Variants in KMT5C observed in about 807,000 individuals in gnomAD.
KMT5C encodes histone-lysine N-methyltransferase KMT5C.
In KMT5C, 16 loss-of-function variants were observed where a neutral mutation model predicts 38.2. The ratio of observed to expected loss-of-function variants is 0.42; its 90% CI spans 0.28 to 0.64. The LOEUF is 0.64. Among genes scored for constraint, KMT5C ranks in the 30% least tolerant of loss-of-function variants. KMT5C has a pLI of 0.23. For synonymous variants in KMT5C, 291 were observed against 279.0 expected (o/e 1.04, Z -0.43); for missense variants, 598 against 665.1 (o/e 0.90, Z 1.11).
At chr19:55,346,011 C>T in intron 6 of KMT5C, 1 of 612,526 alleles carries the variant, frequency 1.6e-6, no homozygotes, top group Non-Finnish European at 2.9e-6. Context: ...GGAAACCAGC[C>T]AGTGGGTGGA....
rs747094462 is a variant in KMT5C at position 55,346,589 on chromosome 19, G to A, written c.797G>A (p.Arg266Gln). ...LDKYQLRETK[R>Q]RLQQGLDSGS... ...AAGTACCAGCTGCGTGAGACCAAGC[G>A]GCGGCTGCAGCAAGGCCTGGACAGT... is the stretch of plus-strand genomic sequence containing the variant. The change falls in exon 8 of 9, where the codon CGG becomes CAG. Residue 266 changes from arginine to glutamine, a missense_variant. Arg to Gln is a conservative substitution (Grantham distance 43). This residue lies in a region of KMT5C where 326 missense variants were observed against 298.1 expected (regional missense o/e 1.09). Coordinates refer to ENST00000255613, the MANE Select transcript of KMT5C (RefSeq NM_032701.4). 1.5e-5 allele frequency: 24 copies of A among 1,579,694 alleles called. No homozygotes were observed. The highest frequency in any genetic ancestry group is 9.1e-5 in the Admixed American group (5 of 54,966).
At position 55,346,193 on chromosome 19, in the gene KMT5C, T is replaced by C. The variant is rs757871310; in HGVS notation, c.571-20T>C. 6.2e-7 allele frequency: 1 copy of C among 1,613,236 alleles called. No individual in the cohort carries two copies. Among genetic ancestry groups the C allele is most frequent in the Admixed American group, 1.7e-5 (1 of 59,998 alleles). On this transcript the variant is annotated intron_variant, in intron 6 of 8. Coordinates refer to ENST00000255613, the MANE Select transcript of KMT5C (RefSeq NM_032701.4). Reference sequence around the variant, plus strand: ...TCCCCTGTGCCCTGGGCCAGGGCGCTGAGTGGGCTTGGCCCTCAGTTTGTG... The same window carrying C: ...TCCCCTGTGCCCTGGGCCAGGGCGCCGAGTGGGCTTGGCCCTCAGTTTGTG...
rs1324063731 is a variant in KMT5C, at chr19:55,342,289, A to T, written c.185A>T (p.Glu62Val). Residue 62 changes from glutamate to valine, a missense_variant, in exon 3 of 9, where the codon GAG (glutamate) becomes GTG (valine). Glu to Val is a moderately radical substitution (Grantham distance 121, BLOSUM62 -2). Transcript: ENST00000255613. ...LETFLRQRDLEAAYRALTLGG... is the reference protein window; with the variant it reads ...LETFLRQRDLVAAYRALTLGG... ...ACTTTCCTGAGGCAGCGGGACCTGG[A>T]GGCTGCGTACCGGGCCCTGACGCTG... 6.2e-7 allele frequency: 1 copy of T among 1,601,826 alleles called. No homozygotes were observed. The highest frequency in any genetic ancestry group is 8.5e-7 in the Non-Finnish European group (1 of 1,175,532).
chr19:55,340,043 C>T (rs1260871828), intron 1 of KMT5C, 86 bp downstream of exon 1: 1 of 151,792 alleles, frequency 6.6e-6, no homozygotes, highest in Non-Finnish European at 1.5e-5. Context: ...CCCCCTGCCC[C>T]GACTGCCCCC....
intron 1 of KMT5C, among the ~76,000 whole-genome samples, chr19:55,341,354 A>T (rs1283777859): frequency 2.0e-5 from 3 of 148,912 alleles, no homozygotes; most frequent in Non-Finnish European, 4.5e-5. Context: ...CCACTCCCGA[A>T]GGCTGCCGGG....
intron 1 of KMT5C, among the ~76,000 whole-genome samples, chr19:55,340,340 T>TCAGGGCCTCTCCCTGACCCC (rs1569018315): frequency 1.8e-4 from 26 of 148,388 alleles, no homozygotes; most frequent in Admixed American, 6.0e-4. Context: ...TCCCTGACCC[T>TCAGGGCCTCTCCCTGACCCC]TCTCTCACCC....
intron 6 of KMT5C, chr19:55,344,436 G>A (rs1369608274): frequency 2.9e-6 from 1 of 344,276 alleles, no homozygotes; most frequent in Non-Finnish European, 5.8e-6. Context: ...AAGGGGCAGA[G>A]TGGGTATTTG....
In KMT5C at chr19:55,342,828, C is replaced by G. The variant is rs1179793377; in HGVS notation, c.363C>G (p.Ala121=). Residue 121 remains alanine, a synonymous_variant, in exon 4 of 9, where the codon GCC becomes GCG. Coordinates refer to ENST00000255613, the MANE Select transcript of KMT5C (RefSeq NM_032701.4). ...GCTACTCCATGGAGACCAACGGGGC[C>G]AAGATCGTGTCCACTCGTGCTTGGT... ...CTRYSMETNG[A]KIVSTRAWKK... The G allele has an allele frequency of 2.5e-6, 4 of 1,608,512 alleles. No homozygotes were observed. The African/African-American group carries it at 4.0e-5, about 16-fold the overall frequency.
rs1385431426 is a variant in KMT5C at position 55,343,613 on chromosome 19, C to G, written c.387-67C>G. 2.0e-6 allele frequency: 3 copies of G among 1,504,352 alleles called. No homozygotes were observed. The highest frequency in any genetic ancestry group is 2.7e-6 in the Non-Finnish European group (3 of 1,111,192). The allele number at this position is 1,504,352 out of a possible 1,614,324, so 93.2% of individuals were successfully genotyped here. A position where few individuals can be genotyped will look rare whatever the true frequency, so the allele number is the denominator to read the frequency against. Reference sequence around the variant, plus strand: ...CCTGGGTGCCTCTGTGCCGGAGGCCCGAGTCCCCTGAACACCTGCAGGAGG... The same window carrying G: ...CCTGGGTGCCTCTGTGCCGGAGGCCGGAGTCCCCTGAACACCTGCAGGAGG... On this transcript the variant is annotated intron_variant, in intron 4 of 8. Coordinates refer to ENST00000255613, the MANE Select transcript of KMT5C (RefSeq NM_032701.4). The surrounding 1 kb of genome is among the most constrained non-coding windows in gnomAD (Gnocchi z 5.5).
intron 6 of KMT5C, chr19:55,344,361 C>CA (rs909444379): frequency 0.074 from 11,923 of 160,214 alleles, 91 homozygotes; most frequent in South Asian, 0.092. Context: ...GACTCTGTCT[C>CA]AAAAAAAAAA....
In KMT5C at chr19:55,347,153, C is replaced by T. The variant is rs1246445383; in HGVS notation, c.1093C>T (p.His365Tyr). ...SLHRWGGCGP[H>Y]CRLRGEALVA... ...GCACCGATGGGGAGGCTGTGGCCCC[C>T]ACTGCCGCCTGCGAGGAGAGGCCCT... is the stretch of plus-strand genomic sequence containing the variant. Residue 365 changes from histidine to tyrosine, a missense_variant, in exon 9 of 9, where the codon CAC (histidine) becomes TAC (tyrosine). By Grantham distance (83) the His-to-Tyr change is moderately conservative. Around this residue, in one of 3 missense-constraint regions of KMT5C, gnomAD observed 326 missense variants for 298.1 expected, o/e 1.09. Coordinates refer to ENST00000255613, the MANE Select transcript of KMT5C (RefSeq NM_032701.4). This position sits in a 1 kb window ranked among gnomAD's most constrained non-coding sequence, Gnocchi z 4.6. The T allele has an allele frequency of 1.3e-6, 2 of 1,537,382 alleles. No homozygotes were observed. The highest frequency in any genetic ancestry group is 2.0e-5 in the Admixed American group (1 of 51,166).
chr19:55,346,778 G>A (rs1259816687), intron 8 of KMT5C, 91 bp downstream of exon 8: 2 of 1,174,598 alleles, frequency 1.7e-6, no homozygotes, highest in African/African-American at 3.1e-5. Flanking sequence ...GCCTAGCCTG[G>A]AACCCTCCCT....
rs2089637310 is a variant in KMT5C, at chr19:55,347,611, G to A, written c.*162G>A. 8.1e-7 allele frequency: 1 copy of A among 1,231,978 alleles called. No individual in the cohort carries two copies. Among genetic ancestry groups the A allele is most frequent in the African/African-American group, 1.6e-5 (1 of 63,908 alleles). The allele number at this position is 1,231,978 out of a possible 1,614,324, so 76.3% of individuals were successfully genotyped here. On this transcript the variant is annotated 3_prime_UTR_variant, in exon 9 of 9. Transcript: ENST00000255613. The surrounding 1 kb of genome is among the most constrained non-coding windows in gnomAD (Gnocchi z 4.6). ...TTGGTTTGGACACCCCCAGGGATCTGAGCCCTGACCCTTTGTGACTGCTGA... is the reference window on the plus strand; with the variant it reads ...TTGGTTTGGACACCCCCAGGGATCTAAGCCCTGACCCTTTGTGACTGCTGA...
At chr19:55,340,330 T>C (rs1382534365) in intron 1 of KMT5C, among the ~76,000 whole-genome samples, 5 of 146,988 alleles carry the variant, frequency 3.4e-5, no homozygotes, top group Admixed American at 3.4e-4. Context: ...TCAGGGCCTC[T>C]CCCTGACCCT....
intron 3 of KMT5C, 99 bp downstream of exon 3, chr19:55,342,479 C>T: frequency 3.2e-6 from 3 of 946,940 alleles, no homozygotes; most frequent in Non-Finnish European, 4.6e-6. Context: ...TCAGCGCAGC[C>T]CCTGGGGCCC....
At position 55,347,104 on chromosome 19, in the gene KMT5C, C is replaced by A. The variant is rs373491444; in HGVS notation, c.1044C>A (p.Thr348=). The A allele has an allele frequency of 2.3e-5, 36 of 1,559,776 alleles. No homozygotes were observed. In the African/African-American group the frequency reaches 3.8e-4, roughly 16 times the overall value. ...CCCGGAGGGCCCCAGTGCTCTCCAC[C>A]CACCACGCTGCCCGCGTCTCCCTGC... is the stretch of plus-strand genomic sequence containing the variant. The part of the protein sequence containing the change: ...PRPRRAPVLS[T]HHAARVSLHR... Residue 348 remains threonine (T), a synonymous_variant, in exon 9 of 9, where the codon ACC becomes ACA. Transcript: ENST00000255613. This position sits in a 1 kb window ranked among gnomAD's most constrained non-coding sequence, Gnocchi z 4.6.
At position 55,343,653 on chromosome 19, in the gene KMT5C, C is replaced by T. The variant is rs996726437; in HGVS notation, c.387-27C>T. 7 of 1,548,734 alleles carry T rather than the reference C, an allele frequency of 4.5e-6. No homozygotes were observed. In the African/African-American group the frequency reaches 9.6e-5, roughly 21 times the overall value. ...CCTGCAGGAGGCCAGGCATCGCCCA[C>T]AGCCCTGCCCCCTGGCCTCTTGGCA... On this transcript the variant is annotated intron_variant, in intron 4 of 8. Coordinates refer to ENST00000255613, the MANE Select transcript of KMT5C (RefSeq NM_032701.4). The surrounding 1 kb of genome is among the most constrained non-coding windows in gnomAD (Gnocchi z 5.5).
chr19:55,343,827 C>T lies in KMT5C; in HGVS notation c.534C>T (p.Ala178=), dbSNP rs775844776. The change falls in exon 5 of 9, where the codon GCC becomes GCT. Residue 178 remains alanine, a synonymous_variant. Coordinates refer to ENST00000255613, the MANE Select transcript of KMT5C (RefSeq NM_032701.4). This position sits in a 1 kb window ranked among gnomAD's most constrained non-coding sequence, Gnocchi z 5.5. ...GTGCTCAGCTGTGGCTGGGCCCAGCCGCCTTCATCAACCATGGTGAGGGTC... is the reference window on the plus strand; with the variant it reads ...GTGCTCAGCTGTGGCTGGGCCCAGCTGCCTTCATCAACCATGGTGAGGGTC... The part of the protein sequence containing the change: ...KRSAQLWLGP[A]AFINHDCKPN... The T allele has an allele frequency of 2.4e-5, 39 of 1,613,628 alleles. 1 individual carries two copies. The highest frequency in any genetic ancestry group is 2.3e-4 in the Admixed American group (14 of 59,992).
rs140138469 is a variant in KMT5C, at chr19:55,346,539, C to T, written c.747C>T (p.Pro249=). Residue 249 remains proline, a synonymous_variant, in exon 8 of 9, where the codon CCC becomes CCT. Coordinates refer to ENST00000255613, the MANE Select transcript of KMT5C (RefSeq NM_032701.4). Reference sequence around the variant, plus strand: ...CTTTCCGAACCAGGCCTAGGGAGCCCGCGTTGCCACCACGGCCCCTGGACA... The same window carrying T: ...CTTTCCGAACCAGGCCTAGGGAGCCTGCGTTGCCACCACGGCCCCTGGACA... ...EGAFRTRPRE[P]ALPPRPLDKY... 95 of 1,596,488 alleles carry T rather than the reference C, an allele frequency of 6.0e-5. No individual in the cohort carries two copies. The highest frequency in any genetic ancestry group is 3.7e-5 in the Non-Finnish European group (43 of 1,172,216).
Sources: gnomAD v4.1 joint callset for allele counts (sites outside exome capture counted in the v4.1 genomes callset) on GRCh38, gnomAD v4.1.1 for gene constraint, gnomAD v4.1.1 regional missense constraint, Gnocchi (gnomAD v3.1) non-coding constraint, MANE v1.5 for transcripts, NCBI Gene and HGNC (gene_info 2026-07-23, HGNC 2026-07-21) for gene names.